The following FSD1L variants were observed in gnomAD, a reference collection of about 807,000 sequenced individuals.
FSD1L encodes FSD1-like protein.
FSD1L carries 45 observed loss-of-function variants against 71.6 expected under a neutral mutation model. The observed-to-expected ratio is 0.63, with a 90% CI of 0.49 to 0.81. The LOEUF (loss-of-function observed/expected upper bound fraction) is 0.81, where lower values mean the gene tolerates loss of function less well. Among genes scored for constraint, FSD1L ranks in the 30% least tolerant of loss-of-function variants. The pLI, the probability that FSD1L is intolerant of heterozygous loss-of-function variation, is 0.00. For synonymous variants in FSD1L, 197 were observed against 207.2 expected (o/e 0.95, Z 0.42); for missense variants, 561 against 618.1 (o/e 0.91, Z 0.98).
intron 12 of FSD1L, among the ~76,000 whole-genome samples, chr9:105,538,068 C>G (rs990671791): frequency 5.2e-4 from 79 of 152,164 alleles, no homozygotes; most frequent in African/African-American, 1.8e-3. Flanking sequence ...AAATGAAATG[C>G]CAGCAGGATA....
At chr9:105,476,650 A>G (rs1217702997) in intron 5 of FSD1L, among the ~76,000 whole-genome samples, 3 of 152,214 alleles carry the variant, frequency 2.0e-5, no homozygotes, top group African/African-American at 4.8e-5. Context: ...CTTCTATTGA[A>G]ATCCTTTCTG....
intron 1 of FSD1L, among the ~76,000 whole-genome samples, chr9:105,458,459 A>G (rs1026902786): frequency 1.3e-5 from 2 of 152,146 alleles, no homozygotes; most frequent in African/African-American, 4.8e-5. Context: ...GATGGTGAGC[A>G]AGGCAGTGGA....
intron 1 of FSD1L, among the ~76,000 whole-genome samples, chr9:105,456,930 T>G (rs889683468): frequency 6.6e-6 from 1 of 152,224 alleles, no homozygotes; most frequent in African/African-American, 2.4e-5. Flanking sequence ...TCTGTTTATC[T>G]ATTTATCCAT....
chr9:105,518,487 A>G (rs556286800), intron 10 of FSD1L, among the ~76,000 whole-genome samples: 1 of 152,382 alleles, frequency 6.6e-6, no homozygotes, highest in East Asian at 1.9e-4. Context: ...CAATCAAATT[A>G]GAACTGAAGA....
At chr9:105,518,913 C>T (rs6477447) in intron 10 of FSD1L, among the ~76,000 whole-genome samples, 4 of 151,682 alleles carry the variant, frequency 2.6e-5, no homozygotes, top group South Asian at 4.2e-4. Flanking sequence ...ACCACTAGCC[C>T]GACTAATAAA....
intron 10 of FSD1L, chr9:105,530,591 T>G (rs1835828389): frequency 1.4e-6 from 1 of 693,268 alleles, no homozygotes; most frequent in South Asian, 1.5e-5. Context: ...ATTTTTCTCT[T>G]TATTTGTATG....
At chr9:105,457,388 A>T (rs2131587299) in intron 1 of FSD1L, among the ~76,000 whole-genome samples, 1 of 152,304 alleles carries the variant, frequency 6.6e-6, no homozygotes, top group East Asian at 1.9e-4. Context: ...GTACAATGGG[A>T]AGCTATTGAA....
intron 10 of FSD1L, chr9:105,523,982 C>T (rs1046554139): frequency 4.4e-6 from 7 of 1,596,412 alleles, no homozygotes; most frequent in Admixed American, 1.7e-5. Context: ...CTTTGGTTTG[C>T]TTTCCCAACT....
chr9:105,525,274 G>A (rs1396847047), intron 10 of FSD1L: 2 of 1,607,624 alleles, frequency 1.2e-6, no homozygotes, highest in Non-Finnish European at 8.5e-7. Flanking sequence ...TACAATAAGA[G>A]ATGAAGAAGA....
At chr9:105,464,436 G>A in intron 3 of FSD1L, 105 bp downstream of exon 3, 1 of 530,420 alleles carries the variant, frequency 1.9e-6, no homozygotes. Flanking sequence ...ATGGAGGTGA[G>A]AGCAGAGCTT....
chr9:105,457,610 G>T (rs553812494), intron 1 of FSD1L, among the ~76,000 whole-genome samples: 1 of 152,240 alleles, frequency 6.6e-6, no homozygotes, highest in Non-Finnish European at 1.5e-5. Context: ...TTCTTAACCA[G>T]CTAGAAACCT....
intron 5 of FSD1L, among the ~76,000 whole-genome samples, chr9:105,476,614 A>C (rs1831819968): frequency 6.6e-6 from 1 of 152,154 alleles, no homozygotes; most frequent in Admixed American, 6.5e-5. Context: ...TAGTTATATT[A>C]CTTTACTCAA....
chr9:105,525,959 A>G, intron 10 of FSD1L: 3 of 1,571,266 alleles, frequency 1.9e-6, no homozygotes, highest in Non-Finnish European at 2.6e-6. Context: ...TTGGGAAATG[A>G]TGAAGTGCAC....
intron 12 of FSD1L, among the ~76,000 whole-genome samples, chr9:105,537,149 A>G (rs757717544): frequency 1.2e-4 from 18 of 152,222 alleles, no homozygotes; most frequent in Non-Finnish European, 2.4e-4. Context: ...CATCTAATGT[A>G]TAATAATTTT....
At chr9:105,512,465 T>C (rs1349035597) in intron 9 of FSD1L, among the ~76,000 whole-genome samples, 1 of 152,122 alleles carries the variant, frequency 6.6e-6, no homozygotes, top group African/African-American at 2.4e-5. Flanking sequence ...TCCTATTTAG[T>C]CATAACAGTC....
chr9:105,464,217 A>T lies in FSD1L; in HGVS notation c.112-19A>T. ...TCTTCCATTGAAATATAGTATTTTA[A>T]TGCTTTTCTTAATTCTAGGAAGCTC... On this transcript the variant is annotated intron_variant, in intron 2 of 13. Transcript: ENST00000481272. 7.8e-7 allele frequency: 1 copy of T among 1,276,152 alleles called. No individual in the cohort carries two copies. The highest frequency in any genetic ancestry group is 1.1e-6 in the Non-Finnish European group (1 of 915,642). 79.1% of individuals were successfully genotyped at this position (1,276,152 alleles called of 1,614,324 possible). A position where few individuals can be genotyped will look rare whatever the true frequency, so the allele number is the denominator to read the frequency against.
intron 7 of FSD1L, among the ~76,000 whole-genome samples, chr9:105,496,306 G>A (rs1208199166): frequency 6.9e-6 from 1 of 145,924 alleles, no homozygotes; most frequent in Non-Finnish European, 1.5e-5. Flanking sequence ...CCCGTACTAT[G>A]TCTGAGAGTT....
rs1269992394 is a variant in FSD1L at position 105,548,238 on chromosome 9, G to T, written c.*1755G>T. The T allele has an allele frequency of 6.6e-6, 1 of 152,060 alleles. No homozygotes were observed. Among genetic ancestry groups the T allele is most frequent in the Non-Finnish European group, 1.5e-5 (1 of 67,928 alleles). The allele number at this position is 152,060 out of a possible 1,614,324, so 9.4% of individuals were successfully genotyped here. A position where few individuals can be genotyped will look rare whatever the true frequency, so the allele number is the denominator to read the frequency against. On this transcript the variant is annotated 3_prime_UTR_variant, in exon 14 of 14. Transcript: ENST00000481272. ...TTTGTTCCTCAGAGAGAGTTTGAAA[G>T]AAATTTTCAGATGTTCTGTTCCCTA...
rs931953231 is a variant in FSD1L, at chr9:105,519,463, G to A, written c.1025+6527G>A. Among the ~76,000 whole-genome samples the A allele has an allele frequency of 3.9e-5, 6 of 152,180 alleles. No homozygotes were observed. The East Asian group carries it at 7.7e-4, about 20-fold the overall frequency. Reference sequence around the variant, plus strand: ...AAAAGCTATCCACCACAATCAAGTCGGCTTCATCCTTAGGATGCAAGGCTG... The same window carrying A: ...AAAAGCTATCCACCACAATCAAGTCAGCTTCATCCTTAGGATGCAAGGCTG... On this transcript the variant is annotated intron_variant, in intron 10 of 13. Transcript: ENST00000481272.
Sources: gnomAD v4.1 joint callset for allele counts (sites outside exome capture counted in the v4.1 genomes callset) on GRCh38, gnomAD v4.1.1 for gene constraint, MANE v1.5 for transcripts, NCBI Gene and HGNC (gene_info 2026-07-23, HGNC 2026-07-21) for gene names.